Variants in CNTN5 observed in about 807,000 individuals in gnomAD.
CNTN5 encodes contactin-5.
A neutral mutation model predicts 129.1 loss-of-function variants in CNTN5; 77 were observed. That is an observed-to-expected ratio of 0.60 (90% CI 0.50 to 0.72). The LOEUF is 0.72. Ranked by LOEUF, CNTN5 falls within the 30% of genes least tolerant of loss-of-function variation. The probability of loss-of-function intolerance (pLI) is 0.00; values close to 1 mark genes in which losing one functional copy is unlikely to be tolerated. For missense variants in CNTN5, 1,478 were observed against 1,328.8 expected, an observed-to-expected ratio of 1.11 and a Z score of -1.75; for synonymous variants, 509 against 465.6, an observed-to-expected ratio of 1.09 and a Z score of -1.20.
intron 3 of CNTN5, among the ~76,000 whole-genome samples, chr11:99,769,186 C>T (rs1565509184): frequency 6.6e-6 from 1 of 152,080 alleles, no homozygotes; most frequent in South Asian, 2.1e-4. Context: ...GCAACTTTGA[C>T]CTGTTGTCTT....
At chr11:100,016,726 CAT>C (rs781223713) in intron 9 of CNTN5, among the ~76,000 whole-genome samples, 35 of 151,852 alleles carry the variant, frequency 2.3e-4, no homozygotes, top group Non-Finnish European at 4.0e-4. Context: ...TATGTATGCA[CAT>C]GTGTGTGTGT....
At chr11:99,178,521 A>T (rs1296850625) in intron 1 of CNTN5, among the ~76,000 whole-genome samples, 2 of 151,970 alleles carry the variant, frequency 1.3e-5, no homozygotes, top group East Asian at 3.9e-4. Flanking sequence ...ACCTTGTCTT[A>T]AAAAAAAGAG....
intron 6 of CNTN5, among the ~76,000 whole-genome samples, chr11:99,904,765 A>G (rs755092456): frequency 8.5e-5 from 13 of 152,186 alleles, no homozygotes; most frequent in Non-Finnish European, 1.6e-4. Context: ...CCAACAGTGT[A>G]AAAGCATTCC....
At chr11:99,721,695 C>G (rs1218307841) in intron 3 of CNTN5, among the ~76,000 whole-genome samples, 2 of 152,140 alleles carry the variant, frequency 1.3e-5, no homozygotes, top group African/African-American at 4.8e-5. Context: ...AGTAAATAGA[C>G]AACCTACAGA....
chr11:100,014,968 G>C (rs1035654562), intron 9 of CNTN5, among the ~76,000 whole-genome samples: 2 of 152,018 alleles, frequency 1.3e-5, no homozygotes, highest in Non-Finnish European at 2.9e-5. Flanking sequence ...GACCATTTAG[G>C]CGTTTTCCAA....
intron 13 of CNTN5, among the ~76,000 whole-genome samples, chr11:100,094,255 T>C (rs1487117208): frequency 3.3e-5 from 5 of 152,058 alleles, no homozygotes; most frequent in Non-Finnish European, 7.4e-5. Flanking sequence ...GACTGAAAAC[T>C]TCTTCTTTCT....
At chr11:99,330,733 G>A (rs972385376) in intron 2 of CNTN5, among the ~76,000 whole-genome samples, 1 of 152,072 alleles carries the variant, frequency 6.6e-6, no homozygotes, top group Non-Finnish European at 1.5e-5. Flanking sequence ...TAGTTATCTA[G>A]AGTTCTGCAA....
intron 3 of CNTN5, among the ~76,000 whole-genome samples, chr11:99,668,807 G>T (rs1425664863): frequency 6.6e-6 from 1 of 152,058 alleles, no homozygotes; most frequent in East Asian, 1.9e-4. Context: ...GGGGGCATGT[G>T]CCTGTGGTCC....
chr11:99,478,663 G>C (rs747066068), intron 2 of CNTN5, among the ~76,000 whole-genome samples: 1 of 151,936 alleles, frequency 6.6e-6, no homozygotes, highest in African/African-American at 2.4e-5. Context: ...TTTTGAGATG[G>C]TTGTTAAACC....
intron 2 of CNTN5, among the ~76,000 whole-genome samples, chr11:99,526,042 A>G (rs2135453843): frequency 6.6e-6 from 1 of 152,328 alleles, no homozygotes; most frequent in Admixed American, 6.5e-5. Flanking sequence ...TGAAGTGAAG[A>G]TGCAGTTTAG....
chr11:99,517,857 T>G (rs942733807), intron 2 of CNTN5, among the ~76,000 whole-genome samples: 4 of 152,162 alleles, frequency 2.6e-5, no homozygotes, highest in African/African-American at 9.7e-5. Flanking sequence ...GGATTAAGTT[T>G]AGGGTTAGGA....
intron 3 of CNTN5, among the ~76,000 whole-genome samples, chr11:99,697,312 A>AGGG (rs138206490): frequency 6.6e-6 from 1 of 151,506 alleles, no homozygotes; most frequent in African/African-American, 2.4e-5. Context: ...AGAGAAAAAG[A>AGGG]GGGGGAGAGA....
intron 3 of CNTN5, among the ~76,000 whole-genome samples, chr11:99,817,507 A>G (rs183733862): frequency 1.3e-5 from 2 of 150,628 alleles, no homozygotes; most frequent in South Asian, 2.1e-4. Flanking sequence ...CTACTTTTCA[A>G]GTTTTTCATT....
chr11:99,712,521 GT>G (rs1955035683), intron 3 of CNTN5, among the ~76,000 whole-genome samples: 1 of 152,038 alleles, frequency 6.6e-6, no homozygotes, highest in East Asian at 1.9e-4. Context: ...TGTTGTCATT[GT>G]TTTTGGTGTT....
intron 1 of CNTN5, among the ~76,000 whole-genome samples, chr11:99,157,767 CCTAT>C (rs1014117468): frequency 1.3e-5 from 2 of 152,078 alleles, no homozygotes; most frequent in Non-Finnish European, 2.9e-5. Context: ...CTACTCACTA[CCTAT>C]TACCTGTTCT....
chr11:100,044,855 A>G (rs942272779), intron 9 of CNTN5, among the ~76,000 whole-genome samples: 1 of 152,090 alleles, frequency 6.6e-6, no homozygotes, highest in African/African-American at 2.4e-5. Flanking sequence ...GTATTATACT[A>G]TACTGAGAAC....
At chr11:99,124,835 A>C (rs1473822841) in intron 1 of CNTN5, among the ~76,000 whole-genome samples, 3 of 152,066 alleles carry the variant, frequency 2.0e-5, no homozygotes, top group Non-Finnish European at 4.4e-5. Context: ...TACTATAAAC[A>C]AGTTTTTGAA....
At position 100,104,470 on chromosome 11, in the gene CNTN5, T is replaced by A. The variant is rs537269713; in HGVS notation, c.1580+30176T>A. On this transcript the variant is annotated intron_variant, in intron 13 of 24. Transcript: ENST00000524871. ...GCAAGTTCTAGAAAAAAAAATCACA[T>A]ATAATAACTATCTTTTGTTGACTAC... is the stretch of plus-strand genomic sequence containing the variant. 1.1e-4 allele frequency among the ~76,000 whole-genome samples: 17 copies of A among 152,106 alleles called. 1 individual carries two copies. Among genetic ancestry groups the A allele is most frequent in the Non-Finnish European group, 2.2e-4 (15 of 68,028 alleles).
intron 3 of CNTN5, among the ~76,000 whole-genome samples, chr11:99,754,231 A>G (rs1257513479): frequency 6.6e-6 from 1 of 152,218 alleles, no homozygotes; most frequent in Non-Finnish European, 1.5e-5. Flanking sequence ...TTGTGGTAAG[A>G]TGAGAGTAAA....
Sources: gnomAD v4.1 joint callset for allele counts (sites outside exome capture counted in the v4.1 genomes callset) on GRCh38, gnomAD v4.1.1 for gene constraint, MANE v1.5 for transcripts, NCBI Gene and HGNC (gene_info 2026-07-23, HGNC 2026-07-21) for gene names.